The following RLF variants were observed in gnomAD, a reference collection of about 807,000 sequenced individuals.
The protein encoded by RLF is RLF zinc finger, also known as zinc finger protein Rlf.
In RLF, 7 loss-of-function variants were observed where a neutral mutation model predicts 162.9. The observed-to-expected ratio is 0.04, with a 90% CI of 0.02 to 0.08. The LOEUF is 0.08. RLF is among the 10% of genes least tolerant of loss of function. The probability of loss-of-function intolerance (pLI) is 1.00; values close to 1 mark genes in which losing one functional copy is unlikely to be tolerated. For missense variants in RLF, 1,664 were observed against 2,244.7 expected (o/e 0.74, Z 5.23); for synonymous variants, 782 against 791.5 (o/e 0.99, Z 0.20).
At chr1:40,228,875 C>T (rs1570561581) in intron 6 of RLF, among the ~76,000 whole-genome samples, 1 of 152,310 alleles carries the variant, frequency 6.6e-6, no homozygotes, top group Non-Finnish European at 1.5e-5. Flanking sequence ...TTACTGCAGC[C>T]TTAAATCCTG....
intron 5 of RLF, among the ~76,000 whole-genome samples, chr1:40,221,987 G>T (rs887188785): frequency 6.8e-6 from 1 of 147,884 alleles, no homozygotes; most frequent in African/African-American, 2.5e-5. Flanking sequence ...TTTTTTGTTT[G>T]TTTTTTTAAG....
At chr1:40,172,757 T>C (rs988659590) in intron 1 of RLF, among the ~76,000 whole-genome samples, 24 of 152,012 alleles carry the variant, frequency 1.6e-4, no homozygotes, top group African/African-American at 5.6e-4. Flanking sequence ...CAGAGTGAGA[T>C]GCCAACTCAA....
chr1:40,170,941 T>C (rs1642235431), intron 1 of RLF, among the ~76,000 whole-genome samples: 1 of 152,244 alleles, frequency 6.6e-6, no homozygotes, highest in African/African-American at 2.4e-5. Context: ...AGTGCTATTG[T>C]TATTATTATT....
At chr1:40,179,744 C>T (rs1642382611) in intron 1 of RLF, among the ~76,000 whole-genome samples, 1 of 152,096 alleles carries the variant, frequency 6.6e-6, no homozygotes, top group African/African-American at 2.4e-5. Flanking sequence ...TAAATACTAA[C>T]TCCCCATTCC....
chr1:40,176,932 T>C (rs1642333724), intron 1 of RLF, among the ~76,000 whole-genome samples: 1 of 152,090 alleles, frequency 6.6e-6, no homozygotes, highest in Non-Finnish European at 1.5e-5. Context: ...CTTCTCTCTT[T>C]TTATTATTCT....
At chr1:40,220,821 G>A (rs1305725327) in intron 5 of RLF, among the ~76,000 whole-genome samples, 1 of 152,010 alleles carries the variant, frequency 6.6e-6, no homozygotes, top group African/African-American at 2.4e-5. Context: ...CATAGTGAAA[G>A]TGCATAAAAA....
chr1:40,194,658 T>C (rs974509816), intron 3 of RLF, among the ~76,000 whole-genome samples: 2 of 150,604 alleles, frequency 1.3e-5, no homozygotes, highest in Non-Finnish European at 3.0e-5. Flanking sequence ...GTCTTCAGAG[T>C]CTGCTAGTAA....
intron 5 of RLF, among the ~76,000 whole-genome samples, chr1:40,212,475 G>A (rs984417565): frequency 4.6e-5 from 7 of 152,178 alleles, no homozygotes; most frequent in African/African-American, 7.2e-5. Flanking sequence ...GTGGCTCAGT[G>A]TCCCAAGTGG....
chr1:40,237,490 G>A lies in RLF; in HGVS notation c.2788G>A (p.Glu930Lys). 6.2e-7 allele frequency: 1 copy of A among 1,614,020 alleles called. No individual in the cohort carries two copies. Among genetic ancestry groups the A allele is most frequent in the South Asian group, 1.1e-5 (1 of 91,060 alleles). ...TATGCAGGATGTATTGTTATCTAAT[G>A]AGAAAGTCTTTGGGCCCTCCAGTTT... ...ETMQDVLLSN[E>K]KVFGPSSLKE... The change falls in exon 8 of 8, where the codon GAG (glutamate) becomes AAG (lysine). Residue 930 changes from glutamate (E) to lysine (K), a missense_variant. Glu to Lys is a moderately conservative substitution (Grantham distance 56). Around this residue, in one of 15 missense-constraint regions of RLF, gnomAD observed 295 missense variants for 317.4 expected, o/e 0.93. Coordinates refer to ENST00000372771, the MANE Select transcript of RLF (RefSeq NM_012421.4). This position sits in a 1 kb window ranked among gnomAD's most constrained non-coding sequence, Gnocchi z 4.4.
At chr1:40,220,062 T>G (rs766841028) in intron 5 of RLF, among the ~76,000 whole-genome samples, 1 of 151,986 alleles carries the variant, frequency 6.6e-6, no homozygotes, top group Non-Finnish European at 1.5e-5. Context: ...CTGGCTAACA[T>G]GGTGAAACTA....
chr1:40,174,666 A>G (rs957307939), intron 1 of RLF, among the ~76,000 whole-genome samples: 1 of 152,236 alleles, frequency 6.6e-6, no homozygotes, highest in Non-Finnish European at 1.5e-5. Flanking sequence ...TATAAAACAG[A>G]CACAGAAATA....
At chr1:40,212,918 T>G (rs1188605688) in intron 5 of RLF, among the ~76,000 whole-genome samples, 3 of 152,166 alleles carry the variant, frequency 2.0e-5, no homozygotes, top group African/African-American at 4.8e-5. Context: ...TAAGTAAGAA[T>G]CAAGATTAAG....
intron 1 of RLF, among the ~76,000 whole-genome samples, chr1:40,164,043 T>G (rs1642133700): frequency 6.6e-6 from 1 of 152,202 alleles, no homozygotes; most frequent in Non-Finnish European, 1.5e-5. Flanking sequence ...ATTCATTTAC[T>G]TAAGGAACAC....
In RLF at chr1:40,237,798, C is replaced by A. The variant is rs762851187; in HGVS notation, c.3096C>A (p.His1032Gln). 1 of 1,614,120 alleles carries A rather than the reference C, an allele frequency of 6.2e-7. No individual in the cohort carries two copies. Among genetic ancestry groups the A allele is most frequent in the East Asian group, 2.2e-5 (1 of 44,890 alleles). ...SPDEGLDHNI[H>Q]IKCKREHQGY... is the part of the protein sequence containing the mutation. ...ATGAAGGTCTAGATCACAATATTCA[C>A]ATTAAATGTAAACGAGAACATCAAG... Residue 1032 changes from histidine to glutamine, a missense_variant, in exon 8 of 8, where the codon CAC becomes CAA. Around this residue, in one of 15 missense-constraint regions of RLF, gnomAD observed 295 missense variants for 317.4 expected, o/e 0.93. Transcript: ENST00000372771. The surrounding 1 kb of genome is among the most constrained non-coding windows in gnomAD (Gnocchi z 4.4).
intron 3 of RLF, among the ~76,000 whole-genome samples, chr1:40,194,340 A>G (rs1357960888): frequency 2.6e-5 from 4 of 152,102 alleles, no homozygotes; most frequent in East Asian, 1.9e-4. Context: ...AGCGGCACCA[A>G]TGGCTTTCAA....
chr1:40,178,496 A>G (rs1004167278), intron 1 of RLF, among the ~76,000 whole-genome samples: 2 of 152,168 alleles, frequency 1.3e-5, no homozygotes, highest in South Asian at 2.1e-4. Flanking sequence ...CAGCACAACA[A>G]TGTAACAATG....
At chr1:40,194,882 G>C (rs1026478662) in intron 3 of RLF, among the ~76,000 whole-genome samples, 2 of 151,614 alleles carry the variant, frequency 1.3e-5, no homozygotes, top group Admixed American at 6.6e-5. Flanking sequence ...CACCCAGGCT[G>C]GAGCGCAGTG....
intron 4 of RLF, among the ~76,000 whole-genome samples, chr1:40,199,757 A>G (rs192095360): frequency 2.6e-5 from 4 of 152,290 alleles, no homozygotes; most frequent in Admixed American, 1.3e-4. Context: ...ATGGCAGGTA[A>G]ATAGAGCAGA....
chr1:40,214,937 A>C (rs1413659061), intron 5 of RLF, among the ~76,000 whole-genome samples: 2 of 149,714 alleles, frequency 1.3e-5, no homozygotes, highest in Admixed American at 6.7e-5. Flanking sequence ...AAAAAAAAAA[A>C]AAAAAAAACT....
Sources: gnomAD v4.1 joint callset for allele counts (sites outside exome capture counted in the v4.1 genomes callset) on GRCh38, gnomAD v4.1.1 for gene constraint, gnomAD v4.1.1 regional missense constraint, Gnocchi (gnomAD v3.1) non-coding constraint, MANE v1.5 for transcripts, NCBI Gene and HGNC (gene_info 2026-07-23, HGNC 2026-07-21) for gene names.